CCDC3: variants seen among roughly 807,000 people sequenced by gnomAD.
CCDC3 encodes coiled-coil domain-containing protein 3.
In CCDC3, 24 loss-of-function variants were observed where a neutral mutation model predicts 21.4. The observed-to-expected ratio is 1.12, with a 90% confidence interval of 0.81 to 1.58. CCDC3 has a LOEUF of 1.58. CCDC3 is among the 40% of genes most tolerant of loss of function. The probability of loss-of-function intolerance (pLI) is 0.00; values close to 1 mark genes in which losing one functional copy is unlikely to be tolerated. For synonymous variants in CCDC3, 186 were observed against 166.0 expected (o/e 1.12, Z -0.93); for missense variants, 425 against 360.9 (o/e 1.18, Z -1.44).
At chr10:13,037,551 T>C (rs554467420) in intron 5 of CCDC3, among the ~76,000 whole-genome samples, 11 of 152,206 alleles carry the variant, frequency 7.2e-5, no homozygotes, top group Non-Finnish European at 8.8e-5. Flanking sequence ...CCTCCCTTTT[T>C]CTTTCCACGC....
At chr10:12,899,050 C>T (rs376935436) in intron 2 of CCDC3, among the ~76,000 whole-genome samples, 63 of 152,244 alleles carry the variant, frequency 4.1e-4, no homozygotes, top group African/African-American at 1.4e-3. Context: ...TGGGGGGAGT[C>T]AGGTGGCCTA....
At chr10:13,067,034 G>C (rs1040812213) in intron 4 of CCDC3, among the ~76,000 whole-genome samples, 1 of 152,206 alleles carries the variant, frequency 6.6e-6, no homozygotes, top group Admixed American at 6.5e-5. Flanking sequence ...TTGAGGAGGG[G>C]TGGGTAAGAT....
At chr10:13,022,051 C>T (rs181408447) in intron 5 of CCDC3, among the ~76,000 whole-genome samples, 173 of 152,206 alleles carry the variant, frequency 1.1e-3, no homozygotes, top group Middle Eastern at 6.8e-3. Flanking sequence ...TGAGCTACCA[C>T]GCCCAGCCTT....
At chr10:13,068,286 C>A (rs116703829) in intron 4 of CCDC3, among the ~76,000 whole-genome samples, 5 of 151,914 alleles carry the variant, frequency 3.3e-5, no homozygotes, top group Non-Finnish European at 7.4e-5. Flanking sequence ...GATTGGCAGA[C>A]GAAAAATTTC....
chr10:13,075,251 G>C (rs1392408018), intron 3 of CCDC3, among the ~76,000 whole-genome samples: 2 of 152,160 alleles, frequency 1.3e-5, no homozygotes, highest in African/African-American at 4.8e-5. Context: ...TGTTTAACAA[G>C]CAATAAACAA....
chr10:12,927,605 A>G, intron 2 of CCDC3, among the ~76,000 whole-genome samples: 1 of 152,180 alleles, frequency 6.6e-6, no homozygotes, highest in East Asian at 1.9e-4. Context: ...CTTTCTTTTG[A>G]CTAAACATCT....
chr10:13,020,464 G>T (rs372706655), intron 5 of CCDC3, among the ~76,000 whole-genome samples: 3 of 152,126 alleles, frequency 2.0e-5, no homozygotes, highest in Non-Finnish European at 2.9e-5. Context: ...GTTAAACATC[G>T]TTATAAGGGA....
intron 2 of CCDC3, among the ~76,000 whole-genome samples, chr10:12,928,499 A>G (rs1834583046): frequency 6.6e-6 from 1 of 152,178 alleles, no homozygotes; most frequent in Admixed American, 6.5e-5. Flanking sequence ...ATGATCAGTG[A>G]TCCATTTTCT....
intron 2 of CCDC3, among the ~76,000 whole-genome samples, chr10:12,989,178 C>G (rs1589032327): frequency 6.6e-6 from 1 of 152,230 alleles, no homozygotes; most frequent in African/African-American, 2.4e-5. Flanking sequence ...AAGCCCAGCT[C>G]CTGAAATCAT....
chr10:13,004,640 T>C (rs1387039125), upstream of CCDC3, among the ~76,000 whole-genome samples: 2 of 142,040 alleles, frequency 1.4e-5, no homozygotes, highest in Non-Finnish European at 3.0e-5. Context: ...CCCAGGTGAA[T>C]GGGGCCACAT....
intron 1 of CCDC3, among the ~76,000 whole-genome samples, chr10:12,999,427 G>C (rs1025421481): frequency 4.6e-5 from 7 of 152,132 alleles, no homozygotes; most frequent in African/African-American, 1.7e-4. Context: ...CAAAAAGAAA[G>C]AGATGAAAGT....
intron 5 of CCDC3, among the ~76,000 whole-genome samples, chr10:13,029,689 C>T (rs754487649): frequency 1.3e-4 from 20 of 152,178 alleles, no homozygotes; most frequent in African/African-American, 2.2e-4. Flanking sequence ...AACTACATGA[C>T]GCATGCACAA....
upstream of CCDC3, chr10:13,001,775 C>G (rs1835861142): frequency 5.1e-6 from 1 of 196,778 alleles, no homozygotes; most frequent in African/African-American, 2.4e-5. Context: ...CGGGCGCCCG[C>G]CTCCCGCCCT....
chr10:12,942,721 C>T (rs1168955459), intron 2 of CCDC3, among the ~76,000 whole-genome samples: 5 of 152,192 alleles, frequency 3.3e-5, no homozygotes, highest in African/African-American at 1.2e-4. Flanking sequence ...TCTTTTGTCC[C>T]CTGTGTAAAT....
At chr10:13,034,777 C>A (rs1478375299) in intron 5 of CCDC3, among the ~76,000 whole-genome samples, 4 of 152,124 alleles carry the variant, frequency 2.6e-5, no homozygotes, top group East Asian at 3.9e-4. Flanking sequence ...GTAATCCCAG[C>A]ACTTTGGGCG....
intron 3 of CCDC3, among the ~76,000 whole-genome samples, chr10:13,081,546 C>A (rs1158175787): frequency 2.0e-5 from 3 of 152,188 alleles, no homozygotes; most frequent in Non-Finnish European, 2.9e-5. Context: ...CAAGCCCTAC[C>A]AAGTTAAAGC....
At chr10:13,005,237 T>G (rs565777727), upstream of CCDC3, among the ~76,000 whole-genome samples, 66 of 152,352 alleles carry the variant, frequency 4.3e-4, 1 homozygote, top group African/African-American at 1.6e-3. Flanking sequence ...AGAAAAATCT[T>G]CAAACCAGTC....
At chr10:12,907,461 A>G (rs1834191041) in intron 2 of CCDC3, among the ~76,000 whole-genome samples, 1 of 152,158 alleles carries the variant, frequency 6.6e-6, no homozygotes. Context: ...CCTGGCCAAC[A>G]TGGCAAAACC....
intron 3 of CCDC3, among the ~76,000 whole-genome samples, chr10:13,075,801 C>T (rs966047462): frequency 6.6e-6 from 1 of 152,166 alleles, no homozygotes; most frequent in Non-Finnish European, 1.5e-5. Context: ...GTAATCCCAG[C>T]ACTTTCAGTG....
Sources: allele counts gnomAD v4.1 joint callset (sites outside exome capture counted in the v4.1 genomes callset), GRCh38; gene constraint gnomAD v4.1.1; transcripts MANE v1.5; gene names NCBI Gene and HGNC (gene_info 2026-07-23, HGNC 2026-07-21).